The following DPY19L4 variants were observed in gnomAD, a reference collection of about 807,000 sequenced individuals.
DPY19L4 encodes the protein probable C-mannosyltransferase DPY19L4.
Under a neutral mutation model 102.8 loss-of-function variants are expected in DPY19L4, and 97 were observed. That is an observed-to-expected ratio of 0.94 (90% CI 0.80 to 1.12). DPY19L4 has a LOEUF of 1.12. DPY19L4 is among the 50% of genes most tolerant of loss of function. The pLI, the probability that DPY19L4 is intolerant of heterozygous loss-of-function variation, is 0.00. For synonymous variants in DPY19L4, 252 were observed against 283.1 expected, an observed-to-expected ratio of 0.89 and a Z score of 1.10; for missense variants, 815 against 850.4, an observed-to-expected ratio of 0.96 and a Z score of 0.52.
rs1813856508 is a variant in DPY19L4 at position 94,790,722 on chromosome 8, C to T, written c.*812C>T. On this transcript the variant is annotated 3_prime_UTR_variant, in exon 19 of 19. Coordinates refer to ENST00000414645, the MANE Select transcript of DPY19L4 (RefSeq NM_181787.3). ...TTTTTTTTTAAATACTGATATGGGG[C>T]ATACAATCTATTCACATGTTTTCTA... 1 of 151,548 alleles carries T rather than the reference C, an allele frequency of 6.6e-6. No individual in the cohort carries two copies. The highest frequency in any genetic ancestry group is 2.1e-4 in the South Asian group (1 of 4,812). The allele number at this position is 151,548 out of a possible 1,614,324, so 9.4% of individuals were successfully genotyped here. A position where few individuals can be genotyped will look rare whatever the true frequency, so the allele number is the denominator to read the frequency against.
chr8:94,758,959 T>A (rs1812282737), intron 7 of DPY19L4, among the ~76,000 whole-genome samples: 1 of 152,134 alleles, frequency 6.6e-6, no homozygotes, highest in African/African-American at 2.4e-5. Flanking sequence ...GGTCTTGAAC[T>A]CCTGAGCTCA....
At chr8:94,743,025 T>A (rs979699595) in intron 6 of DPY19L4, among the ~76,000 whole-genome samples, 9 of 151,420 alleles carry the variant, frequency 5.9e-5, no homozygotes, top group African/African-American at 1.9e-4. Flanking sequence ...TATTTTATTT[T>A]ATTTATTTAT....
chr8:94,734,694 G>A lies in DPY19L4; in HGVS notation c.192G>A (p.Met64Ile), dbSNP rs1384157080. 1.9e-6 allele frequency: 3 copies of A among 1,614,038 alleles called. No individual in the cohort carries two copies. Residue 64 changes from methionine to isoleucine, a missense_variant, in exon 3 of 19, where the codon ATG becomes ATA. Coordinates refer to ENST00000414645, the MANE Select transcript of DPY19L4 (RefSeq NM_181787.3). ...GTCTTGCAGCGGTTACTAGTGGTAT[G>A]ATGTATGCTCTCTACTTATCAGCAT... is the stretch of plus-strand genomic sequence containing the variant. ...IGCLAAVTSG[M>I]MYALYLSAYH... is the part of the protein sequence containing the mutation.
In DPY19L4 at chr8:94,789,909, G is replaced by A; in HGVS notation, c.2171G>A (p.Ter724=). The A allele has an allele frequency of 6.3e-7, 1 of 1,586,142 alleles. No individual in the cohort carries two copies. Among genetic ancestry groups the A allele is most frequent in the Non-Finnish European group, 8.5e-7 (1 of 1,171,968 alleles). The change falls in exon 19 of 19, where the codon TGA becomes TAA. Residue 724 remains the stop codon, a stop_retained_variant. Coordinates refer to ENST00000414645, the MANE Select transcript of DPY19L4 (RefSeq NM_181787.3). ...AACACTGTGATATCCTTCCAGTCTT[G>A]AAAAATAACAGAGCCTTCATTTCAA... The part of the protein sequence containing the change: ...KINTVISFQS[*]
intron 7 of DPY19L4, 59 bp from the exon 8 acceptor site, chr8:94,761,641 A>G (rs958563200): frequency 1.5e-5 from 21 of 1,435,166 alleles, no homozygotes; most frequent in South Asian, 8.6e-5. Context: ...TAACAGTCTC[A>G]TAGGCTTTTA....
intron 12 of DPY19L4, among the ~76,000 whole-genome samples, chr8:94,769,892 T>TC (rs1037977022): frequency 2.7e-5 from 4 of 148,754 alleles, no homozygotes; most frequent in African/African-American, 9.8e-5. Context: ...TCTTTTCTTT[T>TC]TTTTTTTTTT....
intron 6 of DPY19L4, among the ~76,000 whole-genome samples, chr8:94,743,600 C>A (rs1811542753): frequency 6.6e-6 from 1 of 151,904 alleles, no homozygotes; most frequent in Non-Finnish European, 1.5e-5. Flanking sequence ...CTGTGCCATA[C>A]ACTCCAGCCT....
intron 1 of DPY19L4, among the ~76,000 whole-genome samples, chr8:94,724,657 C>T (rs1418301911): frequency 2.0e-5 from 3 of 152,062 alleles, no homozygotes; most frequent in South Asian, 2.1e-4. Flanking sequence ...AGCGCGATCT[C>T]GGGTCACTGC....
intron 6 of DPY19L4, among the ~76,000 whole-genome samples, chr8:94,740,480 A>G (rs1243754245): frequency 6.6e-6 from 1 of 151,966 alleles, no homozygotes; most frequent in African/African-American, 2.4e-5. Context: ...TTTGAGACGG[A>G]GTCTTGCCCT....
At chr8:94,766,498 T>A (rs1261792903) in intron 10 of DPY19L4, 114 bp from the exon 11 acceptor site, 1 of 828,658 alleles carries the variant, frequency 1.2e-6, no homozygotes, top group East Asian at 2.7e-5. Flanking sequence ...ATATTATTTA[T>A]TCATATTTTT....
rs184857859 is a variant in DPY19L4, at chr8:94,747,855, G to A, written c.611+8065G>A. ...GATAACAGGCGTGAGCCACCGCGCT[G>A]GGCCTATACTATGATGTTTCTAAAC... On this transcript the variant is annotated intron_variant, in intron 6 of 18. Transcript: ENST00000414645. 2.1e-3 allele frequency among the ~76,000 whole-genome samples: 314 copies of A among 152,166 alleles called. 1 individual carries two copies. The highest frequency in any genetic ancestry group is 7.3e-3 in the African/African-American group (302 of 41,526).
In DPY19L4 at chr8:94,789,788, G is replaced by A. The variant is rs1813816034; in HGVS notation, c.2050G>A (p.Gly684Arg). 6 of 1,610,924 alleles carry A rather than the reference G, an allele frequency of 3.7e-6. No individual in the cohort carries two copies. The highest frequency in any genetic ancestry group is 4.2e-6 in the Non-Finnish European group (5 of 1,178,614). The change falls in exon 19 of 19, where the codon GGG (glycine) becomes AGG (arginine). Residue 684 changes from glycine to arginine, a missense_variant. Physicochemically the swap from Gly to Arg is moderately radical, Grantham distance 125. Coordinates refer to ENST00000414645, the MANE Select transcript of DPY19L4 (RefSeq NM_181787.3). ...TGACAAGCTAACCTACTCAAAATAT[G>A]GGCGATTTTGTCATGAGGTCAAAAT... ...EGDKLTYSKY[G>R]RFCHEVKINY...
chr8:94,774,869 G>A (rs958880279), intron 13 of DPY19L4, among the ~76,000 whole-genome samples: 6 of 151,748 alleles, frequency 4.0e-5, no homozygotes, highest in Admixed American at 1.3e-4. Flanking sequence ...GAGCCACCGC[G>A]CCCAGCCTTT....
At chr8:94,776,505 TAAA>T (rs1359445438) in intron 13 of DPY19L4, among the ~76,000 whole-genome samples, 2 of 141,362 alleles carry the variant, frequency 1.4e-5, no homozygotes, top group Admixed American at 1.4e-4. Context: ...ATATCTACAT[TAAA>T]AAAAAAAAAG....
intron 11 of DPY19L4, 54 bp from the exon 12 acceptor site, chr8:94,768,341 G>C: frequency 1.4e-6 from 2 of 1,407,590 alleles, no homozygotes; most frequent in East Asian, 4.7e-5. Flanking sequence ...AAATACTTCT[G>C]TGTTCAGTTT....
chr8:94,732,318 C>T (rs1189363652), intron 2 of DPY19L4, among the ~76,000 whole-genome samples: 1 of 151,772 alleles, frequency 6.6e-6, no homozygotes, highest in Non-Finnish European at 1.5e-5. Flanking sequence ...TTTTATTATG[C>T]TTATTATACT....
chr8:94,766,894 A>G (rs1249462467), intron 11 of DPY19L4, among the ~76,000 whole-genome samples: 2 of 151,744 alleles, frequency 1.3e-5, no homozygotes, highest in Non-Finnish European at 2.9e-5. Context: ...AAAGACAACC[A>G]AACAAACAAA....
intron 6 of DPY19L4, among the ~76,000 whole-genome samples, chr8:94,741,902 A>T (rs1364777927): frequency 6.6e-6 from 1 of 152,214 alleles, no homozygotes; most frequent in Non-Finnish European, 1.5e-5. Context: ...GAATTAGAAA[A>T]TCCAGTCTGG....
chr8:94,728,184 C>T (rs907937739), intron 2 of DPY19L4, among the ~76,000 whole-genome samples: 2 of 152,182 alleles, frequency 1.3e-5, no homozygotes, highest in Admixed American at 6.5e-5. Flanking sequence ...CTGGTCAACT[C>T]CTGACCTCAG....
Sources: gnomAD v4.1 joint callset for allele counts (sites outside exome capture counted in the v4.1 genomes callset) on GRCh38, gnomAD v4.1.1 for gene constraint, MANE v1.5 for transcripts, NCBI Gene and HGNC (gene_info 2026-07-23, HGNC 2026-07-21) for gene names.